The following ZC3H12C variants were observed in gnomAD, a reference collection of about 807,000 sequenced individuals.
The protein encoded by ZC3H12C is probable ribonuclease ZC3H12C.
A neutral mutation model predicts 76.3 loss-of-function variants in ZC3H12C; 20 were observed. That is an observed-to-expected ratio of 0.26 (90% CI 0.18 to 0.38). ZC3H12C has a LOEUF of 0.38. Ranked by LOEUF, ZC3H12C falls within the 10% of genes least tolerant of loss-of-function variation. The pLI is 1.00. For missense variants in ZC3H12C, 874 were observed against 1,086.5 expected (o/e 0.80, Z 2.75); for synonymous variants, 352 against 399.6 (o/e 0.88, Z 1.42).
chr11:110,108,311 A>G (rs17110740), intron 1 of ZC3H12C, among the ~76,000 whole-genome samples: 4,936 of 152,276 alleles, frequency 0.032, 158 homozygotes, highest in East Asian at 0.087. Flanking sequence ...CTCCTTAGAT[A>G]TCTTTGCAAG....
chr11:110,121,263 A>G (rs1199151212), intron 1 of ZC3H12C, among the ~76,000 whole-genome samples: 3 of 152,338 alleles, frequency 2.0e-5, no homozygotes, highest in East Asian at 1.9e-4. Flanking sequence ...TTGGAAGGCT[A>G]TTATTGATTT....
At chr11:110,127,483 CTTTTT>C (rs1168307223) in intron 1 of ZC3H12C, among the ~76,000 whole-genome samples, 1 of 151,952 alleles carries the variant, frequency 6.6e-6, no homozygotes, top group Non-Finnish European at 1.5e-5. Context: ...GTGGTTGCTT[CTTTTT>C]TTAACACTCA....
chr11:110,161,173 C>T (rs988728386), intron 4 of ZC3H12C, among the ~76,000 whole-genome samples: 4 of 152,120 alleles, frequency 2.6e-5, no homozygotes, highest in Admixed American at 6.6e-5. Flanking sequence ...GAGTATTATG[C>T]GCAGTCCATA....
chr11:110,158,051 G>A (rs1862409479), intron 3 of ZC3H12C, among the ~76,000 whole-genome samples: 5 of 152,250 alleles, frequency 3.3e-5, no homozygotes, highest in South Asian at 2.1e-4. Context: ...TTTGTGCCCC[G>A]CACTCTGTGC....
rs944855011 is a variant in ZC3H12C, at chr11:110,154,173, A to T, written c.913+1115A>T. 5.9e-5 allele frequency among the ~76,000 whole-genome samples: 9 copies of T among 152,286 alleles called. No individual in the cohort carries two copies. The South Asian group carries it at 1.9e-3, about 32-fold the overall frequency. On this transcript the variant is annotated intron_variant, in intron 3 of 5. Coordinates refer to ENST00000278590, the MANE Select transcript of ZC3H12C (RefSeq NM_033390.2). ...GATCACTTGAGCTCAGTAATTCAAG[A>T]CCAGCCTGGGCAACATGGTGAAACT... is the stretch of plus-strand genomic sequence containing the variant.
chr11:110,137,369 A>C lies in ZC3H12C; in HGVS notation c.728A>C (p.Glu243Ala). 6.2e-7 allele frequency: 1 copy of C among 1,613,126 alleles called. No homozygotes were observed. The highest frequency in any genetic ancestry group is 8.5e-7 in the Non-Finnish European group (1 of 1,179,688). The stretch of plus-strand genomic sequence containing the variant: ...CAAGAGATTGTAACAGATGATGGTG[A>C]AAATCTGAGACCAATAGTTATTGAT... ...PMQEIVTDDG[E>A]NLRPIVIDGS... Residue 243 changes from glutamate (E) to alanine (A), a missense_variant, in exon 2 of 6, where the codon GAA becomes GCA. Coordinates refer to ENST00000278590, the MANE Select transcript of ZC3H12C (RefSeq NM_033390.2).
In ZC3H12C at chr11:110,117,881, T is replaced by TATATTATATATATACACAC. The variant is rs1252245053; in HGVS notation, c.22-18778_22-18777insTATATATATACACACATAT. On this transcript the variant is annotated intron_variant, in intron 1 of 5. Coordinates refer to ENST00000278590, the MANE Select transcript of ZC3H12C (RefSeq NM_033390.2). The stretch of plus-strand genomic sequence containing the variant: ...TATATAATATATATACACACACATA[T>TATATTATATATATACACAC]ATATATTATATATATACACACACAC... Among the ~76,000 whole-genome samples, 20 of 124,332 alleles carry TATATTATATATATACACAC rather than the reference T, an allele frequency of 1.6e-4. 1 individual carries two copies. The highest frequency in any genetic ancestry group is 3.2e-4 in the Non-Finnish European group (19 of 59,642). 81.6% of individuals were successfully genotyped at this position (124,332 alleles called of 152,430 possible).
At chr11:110,156,963 G>A (rs1033764165) in intron 3 of ZC3H12C, among the ~76,000 whole-genome samples, 4 of 152,060 alleles carry the variant, frequency 2.6e-5, no homozygotes, top group Non-Finnish European at 4.4e-5. Flanking sequence ...GGCGGATCAC[G>A]AGGTCAGGAG....
Position 110,165,190 on chromosome 11 carries a change from C to T in ZC3H12C, c.2105C>T (p.Pro702Leu). The change falls in exon 6 of 6, where the codon CCT becomes CTT. Residue 702 changes from proline to leucine, a missense_variant. Coordinates refer to ENST00000278590, the MANE Select transcript of ZC3H12C (RefSeq NM_033390.2). The stretch of plus-strand genomic sequence containing the variant: ...GAACCAAAGTTCCATCACAAGCCTC[C>T]TCTTCCGCACCTGGCTCTGCACCTG... Reference protein sequence around the residue: ...HEEPKFHHKPPLPHLALHLPH... With the variant: ...HEEPKFHHKPLLPHLALHLPH... The T allele has an allele frequency of 1.2e-6, 2 of 1,613,932 alleles. No individual in the cohort carries two copies. Among genetic ancestry groups the T allele is most frequent in the Non-Finnish European group, 1.7e-6 (2 of 1,179,912 alleles).
intron 1 of ZC3H12C, among the ~76,000 whole-genome samples, chr11:110,122,039 G>A (rs1861659852): frequency 6.6e-6 from 1 of 152,160 alleles, no homozygotes; most frequent in African/African-American, 2.4e-5. Context: ...CTTTGGTCAA[G>A]CAGTTTTTAA....
At chr11:110,141,457 T>C (rs1291168242) in intron 2 of ZC3H12C, among the ~76,000 whole-genome samples, 1 of 152,232 alleles carries the variant, frequency 6.6e-6, no homozygotes, top group African/African-American at 2.4e-5. Context: ...TAATATAAAT[T>C]TGAATACTGA....
At chr11:110,103,033 C>T (rs985085202) in intron 1 of ZC3H12C, among the ~76,000 whole-genome samples, 1 of 152,136 alleles carries the variant, frequency 6.6e-6, no homozygotes, top group African/African-American at 2.4e-5. Flanking sequence ...GCATCACTTG[C>T]CCTATTGTGA....
At chr11:110,134,252 C>T (rs779827261) in intron 1 of ZC3H12C, among the ~76,000 whole-genome samples, 2 of 152,024 alleles carry the variant, frequency 1.3e-5, no homozygotes, top group Non-Finnish European at 2.9e-5. Context: ...GCATTGTTCT[C>T]GGAGGGTAAA....
In ZC3H12C at chr11:110,164,923, T is replaced by C. The variant is rs200447128; in HGVS notation, c.1838T>C (p.Leu613Ser). ...CGAAGCCCTGAAAGGCGTTTCTCCT[T>C]AGACACAGATTATAGAATAAGTTCC... is the stretch of plus-strand genomic sequence containing the variant. Reference protein sequence around the residue: ...GPRSPERRFSLDTDYRISSVA... With the variant: ...GPRSPERRFSSDTDYRISSVA... The change falls in exon 6 of 6, where the codon TTA becomes TCA. Residue 613 changes from leucine (L) to serine (S), a missense_variant. Around this residue, in one of 3 missense-constraint regions of ZC3H12C, gnomAD observed 395 missense variants for 434.4 expected, o/e 0.91. Coordinates refer to ENST00000278590, the MANE Select transcript of ZC3H12C (RefSeq NM_033390.2). The surrounding 1 kb of genome is among the most constrained non-coding windows in gnomAD (Gnocchi z 5.7). 554 of 1,613,908 alleles carry C rather than the reference T, an allele frequency of 3.4e-4. No homozygotes were observed. Among genetic ancestry groups the C allele is most frequent in the Non-Finnish European group, 4.4e-4 (524 of 1,179,900 alleles).
rs557337967 is a variant in ZC3H12C, at chr11:110,115,377, A to G, written c.22-21286A>G. On this transcript the variant is annotated intron_variant, in intron 1 of 5. Transcript: ENST00000278590. ...GAGTGCAGTGGCGTGATCTTGGCTC[A>G]CTGCAGCCTCTGCCTCCCAGGTTCA... 2.0e-5 allele frequency among the ~76,000 whole-genome samples: 3 copies of G among 152,282 alleles called. No homozygotes were observed. In the South Asian group the frequency reaches 6.2e-4, roughly 32 times the overall value.
At chr11:110,118,062 T>C (rs1263418429) in intron 1 of ZC3H12C, among the ~76,000 whole-genome samples, 3 of 64,702 alleles carry the variant, frequency 4.6e-5, no homozygotes, top group Admixed American at 1.8e-4. Flanking sequence ...ATTATATATA[T>C]ACACACACAC....
rs1334350671 is a variant in ZC3H12C at position 110,117,977 on chromosome 11, AT to A, written c.22-18685del. Among the ~76,000 whole-genome samples, 2 of 109,978 alleles carry A rather than the reference AT, an allele frequency of 1.8e-5. 1 individual carries two copies. Among genetic ancestry groups the A allele is most frequent in the East Asian group, 4.6e-4 (2 of 4,330 alleles). The allele number at this position is 109,978 out of a possible 152,430, so 72.1% of individuals were successfully genotyped here. A position where few individuals can be genotyped will look rare whatever the true frequency, so the allele number is the denominator to read the frequency against. On this transcript the variant is annotated intron_variant, in intron 1 of 5. Transcript: ENST00000278590. The stretch of plus-strand genomic sequence containing the variant: ...CACACACATATATACACACACATAT[AT>A]ATTATATATATACACACATATATAT...
chr11:110,158,836 A>C (rs1319254842), intron 3 of ZC3H12C, among the ~76,000 whole-genome samples: 3 of 152,192 alleles, frequency 2.0e-5, no homozygotes, highest in African/African-American at 7.2e-5. Flanking sequence ...TATGCAAACA[A>C]ACTTAAAAGG....
intron 1 of ZC3H12C, among the ~76,000 whole-genome samples, chr11:110,133,542 G>A (rs1382186731): frequency 1.3e-5 from 2 of 152,056 alleles, no homozygotes; most frequent in African/African-American, 2.4e-5. Context: ...AAGTAGGTTA[G>A]GCTTACATTT....
Sources: allele counts gnomAD v4.1 joint callset (sites outside exome capture counted in the v4.1 genomes callset), GRCh38; gene constraint gnomAD v4.1.1; regional missense constraint gnomAD v4.1.1; non-coding constraint Gnocchi (gnomAD v3.1); transcripts MANE v1.5; gene names NCBI Gene and HGNC (gene_info 2026-07-23, HGNC 2026-07-21).